Variants in DLG2 observed in about 807,000 individuals in gnomAD.
DLG2 encodes the protein discs large MAGUK scaffold protein 2, also known as disks large homolog 2.
DLG2 carries 45 observed loss-of-function variants against 132.5 expected under a neutral mutation model. That is an observed-to-expected ratio of 0.34 (90% CI 0.27 to 0.44). DLG2 has a LOEUF of 0.44. Ranked by LOEUF, DLG2 falls within the 20% of genes least tolerant of loss-of-function variation. The probability of loss-of-function intolerance (pLI) is 1.00; values close to 1 mark genes in which losing one functional copy is unlikely to be tolerated. For synonymous variants in DLG2, 424 were observed against 419.6 expected, an observed-to-expected ratio of 1.01 and a Z score of -0.13; for missense variants, 1,045 against 1,196.9, an observed-to-expected ratio of 0.87 and a Z score of 1.87.
chr11:85,540,072 T>C (rs1187555133), intron 3 of DLG2, among the ~76,000 whole-genome samples: 1 of 152,186 alleles, frequency 6.6e-6, no homozygotes, highest in East Asian at 1.9e-4. Flanking sequence ...AATACTGCTT[T>C]AGATACAATC....
At chr11:85,419,818 G>C (rs1171080194) in intron 3 of DLG2, among the ~76,000 whole-genome samples, 2 of 152,100 alleles carry the variant, frequency 1.3e-5, no homozygotes, top group East Asian at 1.9e-4. Flanking sequence ...GGTTATTCTA[G>C]TTAGCAATTC....
chr11:83,713,214 G>C (rs138015387), intron 18 of DLG2, among the ~76,000 whole-genome samples: 5 of 151,966 alleles, frequency 3.3e-5, no homozygotes, highest in Admixed American at 3.3e-4. Flanking sequence ...CTCATCATTG[G>C]GGAAGAATTT....
intron 19 of DLG2, among the ~76,000 whole-genome samples, chr11:83,597,921 C>G (rs923739061): frequency 6.6e-5 from 10 of 152,194 alleles, no homozygotes; most frequent in African/African-American, 2.4e-4. Context: ...TTTACAACAT[C>G]TTAAGAAGGC....
chr11:83,789,372 G>A (rs2040875770), intron 17 of DLG2, among the ~76,000 whole-genome samples: 1 of 151,560 alleles, frequency 6.6e-6, no homozygotes, highest in Non-Finnish European at 1.5e-5. Context: ...GCAAAGGACA[G>A]GGCGGGGCGG....
intron 6 of DLG2, among the ~76,000 whole-genome samples, chr11:85,040,876 C>G (rs201878725): frequency 2.0e-5 from 3 of 151,774 alleles, no homozygotes; most frequent in African/African-American, 7.2e-5. Context: ...AAAGTAGGAA[C>G]TAGTATTATT....
chr11:83,769,161 G>C (rs2094273699), intron 18 of DLG2, among the ~76,000 whole-genome samples: 1 of 152,070 alleles, frequency 6.6e-6, no homozygotes, highest in Admixed American at 6.5e-5. Flanking sequence ...TCCTTCATAA[G>C]TGGACTTTCA....
intron 9 of DLG2, among the ~76,000 whole-genome samples, chr11:84,116,131 C>T (rs2093622989): frequency 6.6e-6 from 1 of 152,152 alleles, no homozygotes; most frequent in African/African-American, 2.4e-5. Context: ...CAAGTGGGGC[C>T]TTTTGGGAGG....
At chr11:83,878,340 C>G (rs1225078696) in intron 15 of DLG2, among the ~76,000 whole-genome samples, 1 of 152,114 alleles carries the variant, frequency 6.6e-6, no homozygotes, top group East Asian at 1.9e-4. Flanking sequence ...TGTAAGGCCC[C>G]CATGACTTCT....
chr11:83,550,251 C>T (rs1486618955), intron 19 of DLG2, among the ~76,000 whole-genome samples: 1 of 152,206 alleles, frequency 6.6e-6, no homozygotes. Context: ...CTCCCTGCAG[C>T]TATAGCTTTT....
At chr11:84,295,908 A>G (rs11825839) in intron 7 of DLG2, among the ~76,000 whole-genome samples, 25,276 of 152,166 alleles carry the variant, frequency 0.17, 2,371 homozygotes, top group African/African-American at 0.23. Flanking sequence ...CTGTCAAGGC[A>G]ACTATAATGG....
chr11:84,116,637 G>T (rs1487647608), intron 9 of DLG2, among the ~76,000 whole-genome samples: 2 of 152,196 alleles, frequency 1.3e-5, no homozygotes, highest in Non-Finnish European at 2.9e-5. Flanking sequence ...CCCATGACAT[G>T]TGGGGATTAT....
chr11:84,231,887 T>C (rs1324121329), intron 8 of DLG2, among the ~76,000 whole-genome samples: 1 of 151,896 alleles, frequency 6.6e-6, no homozygotes, highest in African/African-American at 2.4e-5. Context: ...AAGAAGAAGA[T>C]AGCACAGAGA....
intron 15 of DLG2, among the ~76,000 whole-genome samples, chr11:83,895,488 A>G (rs1358411841): frequency 2.6e-5 from 4 of 152,100 alleles, no homozygotes; most frequent in Non-Finnish European, 5.9e-5. Context: ...ACAGTAGTGG[A>G]AACATTCATT....
At chr11:84,985,496 C>T (rs114671639) in intron 6 of DLG2, among the ~76,000 whole-genome samples, 2 of 152,118 alleles carry the variant, frequency 1.3e-5, no homozygotes, top group South Asian at 2.1e-4. Context: ...GAGGAAAATT[C>T]ATAGCCCTAA....
chr11:84,191,077 G>A (rs2096398762), intron 8 of DLG2, among the ~76,000 whole-genome samples: 1 of 152,112 alleles, frequency 6.6e-6, no homozygotes, highest in Non-Finnish European at 1.5e-5. Flanking sequence ...TTTGGTTTGT[G>A]GTGTAGGAAT....
At chr11:83,822,773 C>CT (rs1430848346) in intron 17 of DLG2, among the ~76,000 whole-genome samples, 3 of 152,016 alleles carry the variant, frequency 2.0e-5, no homozygotes, top group Admixed American at 6.6e-5. Flanking sequence ...CCAATAAATT[C>CT]TTTTTTTTCA....
At chr11:84,299,524 C>T (rs1339518773) in intron 7 of DLG2, among the ~76,000 whole-genome samples, 1 of 152,008 alleles carries the variant, frequency 6.6e-6, no homozygotes, top group Non-Finnish European at 1.5e-5. Flanking sequence ...GTGATGACTT[C>T]CTGATTTCTG....
chr11:85,548,068 C>T (rs187082044), intron 3 of DLG2, among the ~76,000 whole-genome samples: 14 of 152,258 alleles, frequency 9.2e-5, no homozygotes, highest in Middle Eastern at 6.8e-3. Flanking sequence ...AATAGGCATT[C>T]TGGTTTTTAG....
chr11:84,502,160 T>TCCTTCCTG (rs151187364), intron 7 of DLG2, among the ~76,000 whole-genome samples: 7 of 41,272 alleles, frequency 1.7e-4, no homozygotes, highest in African/African-American at 1.1e-3. Flanking sequence ...CTTCCTTCCT[T>TCCTTCCTG]TCTCTCTCTC....
Sources: allele counts gnomAD v4.1 joint callset (sites outside exome capture counted in the v4.1 genomes callset), GRCh38; gene constraint gnomAD v4.1.1; transcripts MANE v1.5; gene names NCBI Gene and HGNC (gene_info 2026-07-23, HGNC 2026-07-21).